Variants in TRIM49C observed in about 807,000 individuals in gnomAD.
The protein encoded by TRIM49C is tripartite motif-containing protein 49C.
A neutral mutation model predicts 21.4 loss-of-function variants in TRIM49C; 6 were observed. That is an observed-to-expected ratio of 0.28 (90% CI 0.15 to 0.55). TRIM49C has a LOEUF of 0.55. TRIM49C is among the 20% of genes least tolerant of loss of function. The pLI is 0.94. For missense variants in TRIM49C, 161 were observed against 442.4 expected, an observed-to-expected ratio of 0.36 and a Z score of 5.71; for synonymous variants, 57 against 148.1, an observed-to-expected ratio of 0.38 and a Z score of 4.47.
At position 90,031,176 on chromosome 11, in the gene TRIM49C, C is replaced by CG. The variant is rs1037008542; in HGVS notation, c.-254dup. 2.6e-4 allele frequency: 35 copies of CG among 133,732 alleles called. 5 individuals are homozygous for CG. Among genetic ancestry groups the CG allele is most frequent in the African/African-American group, 9.2e-4 (34 of 37,014 alleles). The allele number at this position is 133,732 out of a possible 1,614,324, so 8.3% of individuals were successfully genotyped here. ...TTCATGACCACTGGGATCCAGCCAGCGGGGGATTTCTTTTCCTGGTGGACT... is the reference window on the plus strand; with the variant it reads ...TTCATGACCACTGGGATCCAGCCAGCGGGGGGATTTCTTTTCCTGGTGGACT... On this transcript the variant is annotated 5_prime_UTR_variant, in exon 1 of 8. It introduces an in-frame stop codon into an upstream open reading frame of the 5' UTR. Coordinates refer to ENST00000448984, the MANE Select transcript of TRIM49C (RefSeq NM_001195234.1).
chr11:90,063,297 C>G, the TRIM49C span, among the ~76,000 whole-genome samples: 1 of 126,446 alleles, frequency 7.9e-6, no homozygotes, highest in African/African-American at 3.2e-5. Flanking sequence ...TAACGTAAAC[C>G]TATCCTCCTG....
the TRIM49C span, among the ~76,000 whole-genome samples, chr11:90,072,289 C>A: frequency 1.1e-4 from 16 of 147,896 alleles, 1 homozygote; most frequent in Non-Finnish European, 2.1e-4. Flanking sequence ...AATCTGTGAA[C>A]AATAAGAACG....
chr11:90,069,533 C>T, the TRIM49C span, among the ~76,000 whole-genome samples: 24 of 132,170 alleles, frequency 1.8e-4, 4 homozygotes, highest in African/African-American at 6.8e-4. Flanking sequence ...TCAGCTTTTT[C>T]CTAGCTTTTT....
In TRIM49C at chr11:90,038,950, G is replaced by C. The variant is rs1285546620; in HGVS notation, c.761+235G>C. The stretch of plus-strand genomic sequence containing the variant: ...TTTGTTTTTTTTTGAGACGCTGTCT[G>C]GCTCTGTCGCCCAGGCTGGAGTGCA... On this transcript the variant is annotated intron_variant, in intron 6 of 7. Transcript: ENST00000448984. Among the ~76,000 whole-genome samples the C allele has an allele frequency of 1.5e-5, 2 of 137,328 alleles. 1 individual carries two copies. The highest frequency in any genetic ancestry group is 5.2e-5 in the African/African-American group (2 of 38,604). 90.1% of individuals were successfully genotyped at this position (137,328 alleles called of 152,430 possible). A position where few individuals can be genotyped will look rare whatever the true frequency, so the allele number is the denominator to read the frequency against.
At chr11:90,037,421 AAC>A (rs1228684603) in intron 4 of TRIM49C, among the ~76,000 whole-genome samples, 2 of 130,484 alleles carry the variant, frequency 1.5e-5, no homozygotes, top group African/African-American at 5.5e-5. Flanking sequence ...CCTTTCTAGT[AAC>A]TATAGCCCTA....
the TRIM49C span, chr11:90,051,750 C>T: frequency 3.5e-6 from 1 of 285,352 alleles, no homozygotes; most frequent in Non-Finnish European, 6.4e-6. Context: ...GAAATACACG[C>T]GGCCCGGTGG....
the TRIM49C span, among the ~76,000 whole-genome samples, chr11:90,055,827 A>G: frequency 6.9e-6 from 1 of 145,294 alleles, no homozygotes; most frequent in Non-Finnish European, 1.5e-5. Context: ...TGGTACAAAC[A>G]TGTGAGAGAA....
intron 2 of TRIM49C, among the ~76,000 whole-genome samples, chr11:90,033,236 A>G (rs1331613032): frequency 8.1e-6 from 1 of 123,428 alleles, no homozygotes; most frequent in Non-Finnish European, 1.7e-5. Flanking sequence ...CTTTCACTTA[A>G]ATTCAGAAGT....
the TRIM49C span, among the ~76,000 whole-genome samples, chr11:90,056,202 C>A: frequency 1.5e-5 from 2 of 137,418 alleles, 1 homozygote; most frequent in African/African-American, 5.2e-5. Context: ...CCTTGTGATC[C>A]GCCCGCCTCG....
At chr11:90,037,662 GA>G (rs1343688777) in intron 4 of TRIM49C, 86 bp from the exon 5 acceptor site, 5 of 117,488 alleles carry the variant, frequency 4.3e-5, no homozygotes, top group African/African-American at 4.1e-4. Flanking sequence ...TGAACTATTG[GA>G]CGTTCGAGAG....
intron 6 of TRIM49C, among the ~76,000 whole-genome samples, chr11:90,039,567 C>T (rs1182084992): frequency 1.5e-5 from 2 of 131,478 alleles, no homozygotes; most frequent in Non-Finnish European, 3.3e-5. Flanking sequence ...GGGGAGTCTG[C>T]CAAGAAGTGG....
At chr11:90,055,131 GC>G in the TRIM49C span, among the ~76,000 whole-genome samples, 1 of 139,222 alleles carries the variant, frequency 7.2e-6, no homozygotes, top group Non-Finnish European at 1.6e-5. Flanking sequence ...CTGGTGATAA[GC>G]TTTCTCTCTG....
the TRIM49C span, among the ~76,000 whole-genome samples, chr11:90,066,108 CAT>C: frequency 7.2e-6 from 1 of 138,880 alleles, no homozygotes; most frequent in Admixed American, 8.2e-5. Context: ...GCAACCTCTG[CAT>C]CTCCAGTTCA....
At chr11:90,039,155 G>A (rs1429872259) in intron 6 of TRIM49C, among the ~76,000 whole-genome samples, 3 of 132,474 alleles carry the variant, frequency 2.3e-5, no homozygotes, top group Non-Finnish European at 4.8e-5. Flanking sequence ...TCCTGACCCC[G>A]TGATCCGCCC....
chr11:90,037,308 T>C (rs1950735579), intron 4 of TRIM49C, among the ~76,000 whole-genome samples: 1 of 132,880 alleles, frequency 7.5e-6, no homozygotes, highest in Non-Finnish European at 1.6e-5. Flanking sequence ...GGATAGGTTT[T>C]GCTGAGCGAA....
intron 6 of TRIM49C, among the ~76,000 whole-genome samples, chr11:90,039,012 C>T (rs1223259694): frequency 7.3e-6 from 1 of 137,904 alleles, no homozygotes; most frequent in East Asian, 2.3e-4. Flanking sequence ...CTCCGCCTCC[C>T]GGGTTCACAC....
At chr11:90,064,387 AT>A in the TRIM49C span, among the ~76,000 whole-genome samples, 1 of 151,204 alleles carries the variant, frequency 6.6e-6, no homozygotes, top group East Asian at 1.9e-4. Flanking sequence ...ATCTTCTAAA[AT>A]AACAACAAAA....
rs756358799 is a variant in TRIM49C at position 90,041,454 on chromosome 11, C to T, written c.1263C>T (p.Ser421=). ...LFLDCEAKTV[S]FVDVNQSSLI... is the part of the protein sequence containing the mutation. ...TGGATTGTGAGGCTAAGACTGTGAG[C>T]TTTGTTGATGTTAATCAAAGCTCCC... Residue 421 remains serine (S), a synonymous_variant, in exon 8 of 8, where the codon AGC becomes AGT. Transcript: ENST00000448984. 16 of 1,560,258 alleles carry T rather than the reference C, an allele frequency of 1.0e-5. 1 individual carries two copies. The Middle Eastern group carries it at 1.4e-3, about 136-fold the overall frequency.
downstream of TRIM49C, among the ~76,000 whole-genome samples, chr11:90,043,338 C>T (rs1390943901): frequency 4.5e-5 from 6 of 133,470 alleles, no homozygotes; most frequent in South Asian, 2.7e-4. Flanking sequence ...TGATGCAGCA[C>T]GATGGCTCGT....
Sources: gnomAD v4.1 joint callset for allele counts (sites outside exome capture counted in the v4.1 genomes callset) on GRCh38, gnomAD v4.1.1 for gene constraint, MANE v1.5 for transcripts, NCBI Gene and HGNC (gene_info 2026-07-23, HGNC 2026-07-21) for gene names.